The following PCDHA2 variants were observed in gnomAD, a reference collection of about 807,000 sequenced individuals.
PCDHA2 encodes protocadherin alpha-2.
PCDHA2 carries 58 observed loss-of-function variants against 66.0 expected under a neutral mutation model. That is an observed-to-expected ratio of 0.88 (90% CI 0.71 to 1.09). The LOEUF is 1.09. PCDHA2 is among the 50% of genes least tolerant of loss of function. The pLI is 0.00. For synonymous variants in PCDHA2, 634 were observed against 554.0 expected (o/e 1.14, Z -2.03); for missense variants, 1,267 against 1,242.3 (o/e 1.02, Z -0.30).
chr5:140,883,557 G>C, intron 1 of PCDHA2: 1 of 1,614,214 alleles, frequency 6.2e-7, no homozygotes, highest in Non-Finnish European at 8.5e-7. Flanking sequence ...GCGCGGGACG[G>C]GGGCTCGCCT....
At chr5:140,967,671 A>G in intron 1 of PCDHA2, 1 of 1,614,130 alleles carries the variant, frequency 6.2e-7, no homozygotes, top group Non-Finnish European at 8.5e-7. Context: ...TACACGTCGG[A>G]CCGGGAGAGG....
intron 1 of PCDHA2, chr5:140,830,622 C>G: frequency 1.7e-6 from 1 of 582,670 alleles, no homozygotes; most frequent in Non-Finnish European, 2.6e-6. Flanking sequence ...TATTGTGTTT[C>G]TTATTTTAAT....
At chr5:140,925,969 A>C (rs2082842050) in intron 1 of PCDHA2, among the ~76,000 whole-genome samples, 1 of 152,172 alleles carries the variant, frequency 6.6e-6, no homozygotes, top group African/African-American at 2.4e-5. Context: ...TCACGCAAAA[A>C]AAAAGCCTTG....
At chr5:140,910,399 T>G (rs1461842314) in intron 1 of PCDHA2, among the ~76,000 whole-genome samples, 1 of 152,172 alleles carries the variant, frequency 6.6e-6, no homozygotes, top group East Asian at 1.9e-4. Context: ...GACTGGCCCC[T>G]GCCACCTCGA....
At chr5:140,966,097 C>T (rs1215509140) in intron 1 of PCDHA2, 2 of 154,754 alleles carry the variant, frequency 1.3e-5, no homozygotes, top group Non-Finnish European at 2.9e-5. Flanking sequence ...GTTAGATCCG[C>T]CGCCTGGGTG....
At chr5:140,843,439 G>A (rs2150360020) in intron 1 of PCDHA2, 5 of 1,596,092 alleles carry the variant, frequency 3.1e-6, no homozygotes, top group South Asian at 1.1e-5. Context: ...CCATCTGCGC[G>A]GTATCCAGCC....
chr5:140,878,899 G>A (rs1301967468), intron 1 of PCDHA2, among the ~76,000 whole-genome samples: 2 of 152,152 alleles, frequency 1.3e-5, no homozygotes, highest in African/African-American at 4.8e-5. Flanking sequence ...CTACAGGCAG[G>A]CTCCACCACT....
rs1277640974 is a variant in PCDHA2 at position 140,805,391 on chromosome 5, T to C, written c.2388+8039T>C. 2.7e-6 allele frequency: 3 copies of C among 1,093,034 alleles called. No homozygotes were observed. The African/African-American group carries it at 5.0e-5, about 18-fold the overall frequency. 67.7% of individuals were successfully genotyped at this position (1,093,034 alleles called of 1,614,324 possible). ...CACATAGTGAAAGTACTCTGGTTTC[T>C]GTTTGATTCAGAAATTTGGTGGGTT... is the stretch of plus-strand genomic sequence containing the variant. On this transcript the variant is annotated intron_variant, in intron 1 of 3. Coordinates refer to ENST00000526136, the MANE Select transcript of PCDHA2 (RefSeq NM_018905.3).
At chr5:140,978,648 T>C (rs2096814311) in intron 1 of PCDHA2, among the ~76,000 whole-genome samples, 1 of 152,264 alleles carries the variant, frequency 6.6e-6, no homozygotes, top group African/African-American at 2.4e-5. Flanking sequence ...CAGACTGTTC[T>C]TCCCGTAGTG....
intron 1 of PCDHA2, chr5:140,858,198 C>T (rs1418909754): frequency 1.9e-6 from 3 of 1,597,294 alleles, no homozygotes; most frequent in African/African-American, 2.7e-5. Flanking sequence ...CTGCTGTACA[C>T]TGCACTGAGG....
Position 140,843,307 on chromosome 5 carries a change from G to T in PCDHA2, c.2388+45955G>T, listed in dbSNP as rs2150357061. On this transcript the variant is annotated intron_variant, in intron 1 of 3. Coordinates refer to ENST00000526136, the MANE Select transcript of PCDHA2 (RefSeq NM_018905.3). ...ATGGTGAACCTGCGCTGACCGCCAC[G>T]GCCACGGTTCTGGTGTCGCTGGTGG... is the stretch of plus-strand genomic sequence containing the variant. The T allele has an allele frequency of 1.0e-5, 16 of 1,595,858 alleles. 3 individuals are homozygous for T. The highest frequency in any genetic ancestry group is 1.3e-5 in the African/African-American group (1 of 74,426).
At chr5:140,873,161 C>G (rs946054760) in intron 1 of PCDHA2, among the ~76,000 whole-genome samples, 2 of 152,012 alleles carry the variant, frequency 1.3e-5, no homozygotes, top group South Asian at 2.1e-4. Context: ...GACTTTAGAT[C>G]GAGAGCTTTT....
chr5:140,834,426 C>A (rs2150217585), intron 1 of PCDHA2: 9 of 1,613,556 alleles, frequency 5.6e-6, no homozygotes, highest in Non-Finnish European at 7.6e-6. Context: ...CCGACATCTA[C>A]TGCTGTTTAT....
chr5:140,913,824 TC>T, intron 1 of PCDHA2, among the ~76,000 whole-genome samples: 1 of 152,216 alleles, frequency 6.6e-6, no homozygotes, highest in Middle Eastern at 3.2e-3. Context: ...CTTTTAAATT[TC>T]TTTATTGACC....
intron 1 of PCDHA2, chr5:140,854,468 A>G (rs1581342472): frequency 6.7e-6 from 1 of 150,046 alleles, no homozygotes; most frequent in African/African-American, 2.4e-5. Flanking sequence ...CCAGAGGAGT[A>G]GAGAAGTATA....
chr5:140,844,739 T>G (rs1370806912), intron 1 of PCDHA2, among the ~76,000 whole-genome samples: 1 of 149,606 alleles, frequency 6.7e-6, no homozygotes, highest in Non-Finnish European at 1.5e-5. Context: ...ATATTTAGTA[T>G]TATGGGATAA....
intron 3 of PCDHA2, among the ~76,000 whole-genome samples, chr5:140,991,007 G>C (rs2153892777): frequency 6.6e-6 from 1 of 152,280 alleles, no homozygotes; most frequent in South Asian, 2.1e-4. Flanking sequence ...ATTGAGAACT[G>C]TGATAAGCAC....
intron 1 of PCDHA2, chr5:140,927,217 A>C: frequency 6.2e-7 from 1 of 1,614,082 alleles, no homozygotes; most frequent in Non-Finnish European, 8.5e-7. Context: ...GGAGCTGCAC[A>C]AGATTCGGAT....
chr5:140,824,623 T>TTATTTTTTTA (rs1768266110), intron 1 of PCDHA2: 3 of 132,188 alleles, frequency 2.3e-5, no homozygotes, highest in Middle Eastern at 3.2e-3. Context: ...TTTTTTTTTT[T>TTATTTTTTTA]TTTTTTTTTA....
Sources: gnomAD v4.1 joint callset for allele counts (sites outside exome capture counted in the v4.1 genomes callset) on GRCh38, gnomAD v4.1.1 for gene constraint, MANE v1.5 for transcripts, NCBI Gene and HGNC (gene_info 2026-07-23, HGNC 2026-07-21) for gene names.